The following NXPE2 variants were observed in gnomAD, a reference collection of about 807,000 sequenced individuals.
NXPE2 encodes the protein neurexophilin and PC-esterase domain family member 2, also known as NXPE family member 2.
A neutral mutation model predicts 34.4 loss-of-function variants in NXPE2; 34 were observed. The observed-to-expected ratio is 0.99, with a 90% confidence interval of 0.75 to 1.31. The LOEUF (loss-of-function observed/expected upper bound fraction) is 1.31. Ranked by LOEUF, NXPE2 falls within the 40% of genes most tolerant of loss-of-function variation. The pLI is 0.00. For missense variants in NXPE2, 649 were observed against 672.5 expected, an observed-to-expected ratio of 0.97 and a Z score of 0.39; for synonymous variants, 235 against 231.3, an observed-to-expected ratio of 1.02 and a Z score of -0.15.
downstream of NXPE2, among the ~76,000 whole-genome samples, chr11:114,711,724 T>G (rs1004159692): frequency 6.6e-6 from 1 of 152,150 alleles, no homozygotes; most frequent in African/African-American, 2.4e-5. Context: ...CAAAACCCAG[T>G]GGCATTTTTT....
At chr11:114,550,043 C>G in the NXPE2 span, among the ~76,000 whole-genome samples, 2 of 151,936 alleles carry the variant, frequency 1.3e-5, no homozygotes, top group Non-Finnish European at 2.9e-5. Flanking sequence ...GGAAAACTCA[C>G]AAAACACTAC....
chr11:114,484,065 G>C, the NXPE2 span, among the ~76,000 whole-genome samples: 1 of 152,122 alleles, frequency 6.6e-6, no homozygotes, highest in Non-Finnish European at 1.5e-5. Context: ...TGGAGAACTT[G>C]GGAAAGTTCT....
At chr11:114,799,933 C>A in the NXPE2 span, among the ~76,000 whole-genome samples, 1 of 151,536 alleles carries the variant, frequency 6.6e-6, no homozygotes, top group Non-Finnish European at 1.5e-5. Flanking sequence ...CCCTCCCTCC[C>A]GTCTTCATCC....
At chr11:114,629,003 CA>C in the NXPE2 span, among the ~76,000 whole-genome samples, 3 of 152,034 alleles carry the variant, frequency 2.0e-5, no homozygotes, top group Admixed American at 2.0e-4. Flanking sequence ...AGACCAATAA[CA>C]GGCTCTGAAA....
the NXPE2 span, among the ~76,000 whole-genome samples, chr11:114,735,762 G>T: frequency 2.6e-5 from 4 of 152,126 alleles, no homozygotes; most frequent in African/African-American, 9.7e-5. Context: ...ACAGGTCTTT[G>T]TTACAAATAT....
chr11:114,739,142 C>A, the NXPE2 span, among the ~76,000 whole-genome samples: 1 of 152,156 alleles, frequency 6.6e-6, no homozygotes, highest in Non-Finnish European at 1.5e-5. Context: ...ATGCACCACA[C>A]CAGCAGATGG....
At chr11:114,521,899 T>C in the NXPE2 span, 1 of 1,214,860 alleles carries the variant, frequency 8.2e-7, no homozygotes, top group Middle Eastern at 2.0e-4. Context: ...TGAGTAAAAC[T>C]TACTTTACAA....
At chr11:114,594,142 A>G in the NXPE2 span, among the ~76,000 whole-genome samples, 6 of 152,150 alleles carry the variant, frequency 3.9e-5, no homozygotes, top group Admixed American at 2.0e-4. Context: ...ACAATCACCA[A>G]TAATTTATTT....
At chr11:114,538,292 A>C in the NXPE2 span, among the ~76,000 whole-genome samples, 10 of 152,378 alleles carry the variant, frequency 6.6e-5, no homozygotes, top group Non-Finnish European at 1.3e-4. Context: ...GATGGATTAA[A>C]GACTTACATG....
At chr11:114,622,289 C>A in the NXPE2 span, among the ~76,000 whole-genome samples, 2 of 150,340 alleles carry the variant, frequency 1.3e-5, no homozygotes, top group Non-Finnish European at 1.5e-5. Flanking sequence ...CTGTTACCTG[C>A]TGGATAATAA....
the NXPE2 span, among the ~76,000 whole-genome samples, chr11:114,813,330 A>T: frequency 2.6e-5 from 4 of 152,184 alleles, no homozygotes; most frequent in South Asian, 2.1e-4. Flanking sequence ...AAATCAGACC[A>T]TTCATCTCTC....
At chr11:114,725,536 A>T in the NXPE2 span, among the ~76,000 whole-genome samples, 6 of 151,838 alleles carry the variant, frequency 4.0e-5, no homozygotes, top group African/African-American at 1.5e-4. Flanking sequence ...TTAACTAGAC[A>T]ATCCATAGCC....
the NXPE2 span, among the ~76,000 whole-genome samples, chr11:114,505,825 A>G: frequency 6.6e-6 from 1 of 152,198 alleles, no homozygotes; most frequent in Non-Finnish European, 1.5e-5. Context: ...AAGTCTGTGA[A>G]ATAACCAGCC....
the NXPE2 span, among the ~76,000 whole-genome samples, chr11:114,609,031 C>A: frequency 9.8e-4 from 143 of 146,178 alleles, 1 homozygote; most frequent in South Asian, 0.017. Context: ...GGTAACCACT[C>A]TTACCTGGTG....
chr11:114,627,144 G>A, the NXPE2 span, among the ~76,000 whole-genome samples: 16 of 151,958 alleles, frequency 1.1e-4, no homozygotes, highest in East Asian at 5.8e-4. Context: ...GCAGGCCAAC[G>A]TTCAGATTCA....
the NXPE2 span, among the ~76,000 whole-genome samples, chr11:114,811,896 A>G: frequency 2.0e-5 from 3 of 152,174 alleles, no homozygotes; most frequent in Non-Finnish European, 4.4e-5. Context: ...TCATCTGTAA[A>G]CTGAGGATAG....
the NXPE2 span, chr11:114,530,188 T>C: frequency 6.2e-7 from 1 of 1,605,662 alleles, no homozygotes; most frequent in Non-Finnish European, 8.5e-7. Flanking sequence ...TGGAAAAGGC[T>C]GTTTTCCTTG....
chr11:114,506,585 C>A, the NXPE2 span, among the ~76,000 whole-genome samples: 93,374 of 152,014 alleles, frequency 0.61, 30,304 homozygotes, highest in African/African-American at 0.84. Context: ...AATTCACCCA[C>A]AACTATACAA....
the NXPE2 span, among the ~76,000 whole-genome samples, chr11:114,599,365 G>A: frequency 6.6e-6 from 1 of 152,082 alleles, no homozygotes; most frequent in African/African-American, 2.4e-5. Context: ...CAAGTCTCTA[G>A]GAAGTTCCAA....
Sources: gnomAD v4.1 joint callset for allele counts (sites outside exome capture counted in the v4.1 genomes callset) on GRCh38, gnomAD v4.1.1 for gene constraint, MANE v1.5 for transcripts, NCBI Gene and HGNC (gene_info 2026-07-23, HGNC 2026-07-21) for gene names.